The following XIRP2 variants were observed in gnomAD, a reference collection of about 807,000 sequenced individuals.
XIRP2 encodes the protein xin actin-binding repeat-containing protein 2.
In XIRP2, 236 loss-of-function variants were observed where a neutral mutation model predicts 277.0. The observed-to-expected ratio is 0.85, with a 90% CI of 0.77 to 0.95. The LOEUF is 0.95. Ranked by LOEUF, XIRP2 falls within the 40% of genes least tolerant of loss-of-function variation. The pLI is 0.00. For synonymous variants in XIRP2, 1,490 were observed against 1,416.5 expected (o/e 1.05, Z -1.17); for missense variants, 4,640 against 4,157.5 (o/e 1.12, Z -3.19).
chr2:167,197,127 T>C (rs1159119347), intron 3 of XIRP2, among the ~76,000 whole-genome samples: 1 of 152,214 alleles, frequency 6.6e-6, no homozygotes, highest in Non-Finnish European at 1.5e-5. Flanking sequence ...GGTACCCTGC[T>C]GAGACTTTTG....
chr2:167,242,017 A>T (rs1695087324), intron 8 of XIRP2, 107 bp downstream of exon 8: 4 of 1,368,272 alleles, frequency 2.9e-6, no homozygotes, highest in Non-Finnish European at 3.9e-6. Context: ...ACAAAAAAAA[A>T]TTCTGAACTG....
rs368207231 is a variant in XIRP2, at chr2:166,975,487, AAAAAG to A, written c.408+71616_408+71620del. ...CTGGCGATAGAGCGAGACTCCTTCA[AAAAAG>A]AAAAGAAAAGAAAAGAAATTAGAAC... On this transcript the variant is annotated intron_variant, in intron 2 of 10. Coordinates refer to ENST00000409195, the MANE Select transcript of XIRP2 (RefSeq NM_152381.6). Among the ~76,000 whole-genome samples the A allele has an allele frequency of 2.3e-3, 348 of 152,146 alleles. 2 individuals carry two copies. Among genetic ancestry groups the A allele is most frequent in the African/African-American group, 7.8e-3 (322 of 41,532 alleles).
chr2:166,931,331 T>A (rs2105368635), intron 2 of XIRP2, among the ~76,000 whole-genome samples: 1 of 152,288 alleles, frequency 6.6e-6, no homozygotes, highest in East Asian at 1.9e-4. Context: ...GCAGCTCTGT[T>A]GGATTTTACA....
intron 2 of XIRP2, among the ~76,000 whole-genome samples, chr2:167,016,838 A>C (rs1220747388): frequency 6.6e-6 from 1 of 152,008 alleles, no homozygotes; most frequent in African/African-American, 2.4e-5. Flanking sequence ...ATGGAGAGTT[A>C]TTAAGACAAA....
intron 5 of XIRP2, among the ~76,000 whole-genome samples, chr2:167,237,730 C>T (rs1363558135): frequency 6.6e-6 from 1 of 152,182 alleles, no homozygotes; most frequent in Non-Finnish European, 1.5e-5. Flanking sequence ...CGGTGCCCCT[C>T]ATAGGGACCT....
intron 2 of XIRP2, among the ~76,000 whole-genome samples, chr2:166,931,075 G>A (rs368205227): frequency 2.0e-5 from 3 of 152,212 alleles, no homozygotes; most frequent in African/African-American, 4.8e-5. Flanking sequence ...GCTCAATGAA[G>A]AGAACTAAAA....
intron 7 of XIRP2, 67 bp downstream of exon 7, chr2:167,240,803 T>G: frequency 1.4e-6 from 2 of 1,415,226 alleles, no homozygotes; most frequent in Non-Finnish European, 2.0e-6. Flanking sequence ...TTTGAATGGA[T>G]GACTTCCAAA....
chr2:167,247,424 A>C lies in XIRP2; in HGVS notation c.6032A>C (p.Glu2011Ala), dbSNP rs750588379. The C allele has an allele frequency of 2.8e-5, 45 of 1,613,566 alleles. No individual in the cohort carries two copies. The highest frequency in any genetic ancestry group is 3.5e-5 in the Non-Finnish European group (41 of 1,179,770). Residue 2011 changes from glutamate to alanine, a missense_variant, in exon 9 of 11, where the codon GAA becomes GCA. Coordinates refer to ENST00000409195, the MANE Select transcript of XIRP2 (RefSeq NM_152381.6). ...AAATCTTGCCATGGCAATTTAGTAG[A>C]AGAAAGAACTGAGGTTAATCTTCCA... ...MGKSCHGNLV[E>A]ERTEVNLPKA...
At chr2:167,136,190 G>A (rs1691546381) in intron 3 of XIRP2, 128 bp downstream of exon 3, 2 of 935,818 alleles carry the variant, frequency 2.1e-6, no homozygotes, top group Non-Finnish European at 2.8e-6. Flanking sequence ...TATAGTTTAG[G>A]AAATACAATT....
chr2:167,116,529 A>G (rs539836853), intron 2 of XIRP2, among the ~76,000 whole-genome samples: 2 of 152,188 alleles, frequency 1.3e-5, no homozygotes, highest in Non-Finnish European at 1.5e-5. Flanking sequence ...CTATGTTATT[A>G]TGTTTGCAGT....
At chr2:167,233,352 C>T (rs16853288) in intron 5 of XIRP2, among the ~76,000 whole-genome samples, 23,052 of 151,810 alleles carry the variant, frequency 0.15, 2,177 homozygotes, top group African/African-American at 0.27. Context: ...ATTGAAGCAA[C>T]TTAAACAGGA....
intron 2 of XIRP2, among the ~76,000 whole-genome samples, chr2:167,022,197 T>A (rs896039689): frequency 6.6e-5 from 10 of 152,252 alleles, no homozygotes; most frequent in Middle Eastern, 3.4e-3. Context: ...TTGTAATGTA[T>A]GAAATTGTAT....
At chr2:167,224,886 T>A (rs958642442) in intron 5 of XIRP2, among the ~76,000 whole-genome samples, 3 of 152,190 alleles carry the variant, frequency 2.0e-5, no homozygotes, top group African/African-American at 7.2e-5. Flanking sequence ...AGATAATAGT[T>A]TTTTAGGAGC....
intron 2 of XIRP2, among the ~76,000 whole-genome samples, chr2:166,955,883 TTCCTC>T (rs1268502031): frequency 6.6e-6 from 1 of 151,726 alleles, no homozygotes; most frequent in African/African-American, 2.4e-5. Flanking sequence ...CACAACCACT[TTCCTC>T]TCTTATGTCA....
rs760854360 is a variant in XIRP2 at position 167,245,670 on chromosome 2, G to A, written c.4278G>A (p.Glu1426=). ...GNVKTSRQFF[E]SENFDKNNYI... ...TAAAGACAAGTAGACAATTCTTTGA[G>A]TCTGAAAATTTTGATAAGAATAACT... The change falls in exon 9 of 11, where the codon GAG becomes GAA. Residue 1426 remains glutamate (E), a synonymous_variant. Coordinates refer to ENST00000409195, the MANE Select transcript of XIRP2 (RefSeq NM_152381.6). The A allele has an allele frequency of 3.7e-6, 6 of 1,613,554 alleles. No individual in the cohort carries two copies. Among genetic ancestry groups the A allele is most frequent in the South Asian group, 1.1e-5 (1 of 91,070 alleles).
chr2:167,172,135 A>G (rs1207426825), intron 3 of XIRP2, among the ~76,000 whole-genome samples: 1 of 152,122 alleles, frequency 6.6e-6, no homozygotes, highest in Non-Finnish European at 1.5e-5. Context: ...AATGAGAGAA[A>G]TTTTAAAGCT....
At chr2:167,172,045 C>T (rs527257394) in intron 3 of XIRP2, among the ~76,000 whole-genome samples, 109 of 152,174 alleles carry the variant, frequency 7.2e-4, no homozygotes, top group African/African-American at 2.5e-3. Flanking sequence ...CAGGGGAACC[C>T]GCCCCCGATA....
chr2:166,903,968 A>G, intron 2 of XIRP2, 78 bp downstream of exon 2: 1 of 1,489,250 alleles, frequency 6.7e-7, no homozygotes, highest in Non-Finnish European at 9.1e-7. Flanking sequence ...TAAGCATGTA[A>G]TCTTTCCCCC....
chr2:167,059,329 G>A (rs1689119541), intron 2 of XIRP2, among the ~76,000 whole-genome samples: 1 of 150,984 alleles, frequency 6.6e-6, no homozygotes. Flanking sequence ...TGTTGGGCAG[G>A]CTGGTCTCGA....
Sources: allele counts gnomAD v4.1 joint callset (sites outside exome capture counted in the v4.1 genomes callset), GRCh38; gene constraint gnomAD v4.1.1; transcripts MANE v1.5; gene names NCBI Gene and HGNC (gene_info 2026-07-23, HGNC 2026-07-21).